The following BCAS3 variants were observed in gnomAD, a reference collection of about 807,000 sequenced individuals.
The protein encoded by BCAS3 is BCAS3 microtubule associated cell migration factor, also known as BCAS4/BCAS3 fusion.
Under a neutral mutation model 116.1 loss-of-function variants are expected in BCAS3, and 53 were observed. The observed-to-expected ratio is 0.46, with a 90% CI of 0.37 to 0.57. BCAS3 has a LOEUF of 0.57. Among genes scored for constraint, BCAS3 ranks in the 20% least tolerant of loss-of-function variants. The probability of loss-of-function intolerance (pLI) is 0.00; values close to 1 mark genes in which losing one functional copy is unlikely to be tolerated. For synonymous variants in BCAS3, 391 were observed against 408.2 expected (o/e 0.96, Z 0.51); for missense variants, 917 against 1,165.4 (o/e 0.79, Z 3.10).
rs1443786550 is a variant in BCAS3 at position 61,239,186 on chromosome 17, G to A, written c.2426-129141G>A. On this transcript the variant is annotated intron_variant, in intron 22 of 23. Coordinates refer to ENST00000407086, the MANE Select transcript of BCAS3 (RefSeq NM_017679.5). The surrounding 1 kb of genome is among the most constrained non-coding windows in gnomAD (Gnocchi z 4.2). ...AAAAGCAAAAAGGAATAAAATAGCA[G>A]GTTACCATAGTATAGATAGTAGGAG... 6.6e-6 allele frequency among the ~76,000 whole-genome samples: 1 copy of A among 152,150 alleles called. No individual in the cohort carries two copies. The highest frequency in any genetic ancestry group is 1.5e-5 in the Non-Finnish European group (1 of 68,022).
chr17:61,064,171 C>T (rs1260327320), intron 19 of BCAS3, among the ~76,000 whole-genome samples: 13 of 152,124 alleles, frequency 8.5e-5, no homozygotes, highest in Admixed American at 8.5e-4. Flanking sequence ...TGGTATACAC[C>T]TGTAGTTCCA....
At chr17:61,093,035 T>C (rs1267424651) in intron 22 of BCAS3, among the ~76,000 whole-genome samples, 2 of 150,530 alleles carry the variant, frequency 1.3e-5, no homozygotes, top group Non-Finnish European at 2.9e-5. Flanking sequence ...GCCTCCCAAG[T>C]AGCTGGGACT....
Position 61,339,984 on chromosome 17 carries a change from T to C in BCAS3, c.2426-28343T>C, listed in dbSNP as rs1178096217. ...TGGGATTCAATAATGTGGAAGTCTC[T>C]GCATTAATTGATTTGTTGAAAAAGA... On this transcript the variant is annotated intron_variant, in intron 22 of 23. Coordinates refer to ENST00000407086, the MANE Select transcript of BCAS3 (RefSeq NM_017679.5). The surrounding 1 kb of genome is among the most constrained non-coding windows in gnomAD (Gnocchi z 4.4). Among the ~76,000 whole-genome samples the C allele has an allele frequency of 6.6e-6, 1 of 152,174 alleles. No individual in the cohort carries two copies. The highest frequency in any genetic ancestry group is 1.5e-5 in the Non-Finnish European group (1 of 68,040).
chr17:60,751,296 G>A (rs2042432283), intron 6 of BCAS3, among the ~76,000 whole-genome samples: 1 of 151,976 alleles, frequency 6.6e-6, no homozygotes, highest in South Asian at 2.1e-4. Flanking sequence ...ATTCCAGAAA[G>A]CTATGACTAA....
intron 19 of BCAS3, among the ~76,000 whole-genome samples, chr17:61,064,367 A>T (rs1030251927): frequency 2.6e-5 from 4 of 152,086 alleles, no homozygotes; most frequent in Non-Finnish European, 5.9e-5. Context: ...AGAGTAACTG[A>T]TCTGGCTGAT....
chr17:61,197,589 G>C (rs2080557101), intron 22 of BCAS3, among the ~76,000 whole-genome samples: 1 of 152,296 alleles, frequency 6.6e-6, no homozygotes, highest in South Asian at 2.1e-4. Context: ...GATCATCTCA[G>C]ATACCTCCTC....
rs139813858 is a variant in BCAS3 at position 61,088,165 on chromosome 17, G to A, written c.2425+3601G>A. Among the ~76,000 whole-genome samples, 1,569 of 152,216 alleles carry A rather than the reference G, an allele frequency of 0.01. 14 individuals are homozygous for A. Among genetic ancestry groups the A allele is most frequent in the Non-Finnish European group, 0.014 (936 of 68,008 alleles). ...CCAGTGCACTCTAGCCTGGGTGACC[G>A]AGCAAGGCTCTGTCTCAAAAAGACA... On this transcript the variant is annotated intron_variant, in intron 22 of 23. Transcript: ENST00000407086. The surrounding 1 kb of genome is among the most constrained non-coding windows in gnomAD (Gnocchi z 4.2).
chr17:61,109,283 T>TTGTG (rs113547904), intron 22 of BCAS3, among the ~76,000 whole-genome samples: 7,088 of 145,348 alleles, frequency 0.049, 286 homozygotes, highest in African/African-American at 0.12. Context: ...AGTATTCCAT[T>TTGTG]TGTGTGTGTG....
chr17:61,168,824 T>C (rs559602550), intron 22 of BCAS3, among the ~76,000 whole-genome samples: 3 of 152,342 alleles, frequency 2.0e-5, no homozygotes, highest in African/African-American at 7.2e-5. Flanking sequence ...GGTTTTGGAA[T>C]GACTTATGTT....
At chr17:61,338,574 G>C (rs1273511169) in intron 22 of BCAS3, among the ~76,000 whole-genome samples, 1 of 152,120 alleles carries the variant, frequency 6.6e-6, no homozygotes, top group Non-Finnish European at 1.5e-5. Context: ...AAGTAGGTTA[G>C]GGGTAGCAGA....
intron 7 of BCAS3, chr17:60,810,347 G>A (rs1391637372): frequency 2.2e-6 from 1 of 447,828 alleles, no homozygotes; most frequent in Non-Finnish European, 4.3e-6. Flanking sequence ...ATGGGGTCCA[G>A]GGGCCTGGTT....
At chr17:61,064,297 C>T (rs7218462) in intron 19 of BCAS3, among the ~76,000 whole-genome samples, 2,888 of 151,712 alleles carry the variant, frequency 0.019, 91 homozygotes, top group African/African-American at 0.065. Context: ...GTCAGCATAG[C>T]GATACCTATC....
At chr17:61,172,918 G>A (rs1197666434) in intron 22 of BCAS3, among the ~76,000 whole-genome samples, 3 of 151,680 alleles carry the variant, frequency 2.0e-5, no homozygotes, top group Admixed American at 1.3e-4. Context: ...AACCCGGGAG[G>A]CGGAGCTTGC....
At chr17:61,320,479 AG>A (rs1233051014) in intron 22 of BCAS3, among the ~76,000 whole-genome samples, 3 of 152,036 alleles carry the variant, frequency 2.0e-5, no homozygotes, top group Non-Finnish European at 4.4e-5. Context: ...CAGGAGATCG[AG>A]ACCATCCTAG....
At chr17:61,123,628 G>T (rs2075904642) in intron 22 of BCAS3, among the ~76,000 whole-genome samples, 1 of 150,320 alleles carries the variant, frequency 6.7e-6, no homozygotes, top group Non-Finnish European at 1.5e-5. Flanking sequence ...AATTTTTATT[G>T]GGGGGGAGTG....
intron 6 of BCAS3, among the ~76,000 whole-genome samples, chr17:60,801,974 GTTC>G (rs1333949897): frequency 6.6e-6 from 1 of 151,650 alleles, no homozygotes; most frequent in African/African-American, 2.4e-5. Flanking sequence ...TTGTGTTTTT[GTTC>G]TTCTCTCTGG....
intron 5 of BCAS3, among the ~76,000 whole-genome samples, chr17:60,726,197 A>T (rs961824551): frequency 5.6e-4 from 79 of 140,060 alleles, no homozygotes; most frequent in Admixed American, 1.5e-4. Flanking sequence ...TCCCGGCCAG[A>T]GGGAGGATTT....
At chr17:60,770,639 G>A (rs113015374) in intron 6 of BCAS3, among the ~76,000 whole-genome samples, 6,678 of 150,546 alleles carry the variant, frequency 0.044, 476 homozygotes, top group African/African-American at 0.15. Context: ...GGATGGTCTC[G>A]ATCTCCTGAC....
chr17:61,156,477 T>C lies in BCAS3; in HGVS notation c.2425+71913T>C, dbSNP rs1239539725. On this transcript the variant is annotated intron_variant, in intron 22 of 23. Coordinates refer to ENST00000407086, the MANE Select transcript of BCAS3 (RefSeq NM_017679.5). The surrounding 1 kb of genome is among the most constrained non-coding windows in gnomAD (Gnocchi z 4.7). ...GCTTTGTGGAGGATCCTGTTTTCCT[T>C]GAGTGTCCTTACCTGAAATGGTCTC... Among the ~76,000 whole-genome samples, 2 of 152,208 alleles carry C rather than the reference T, an allele frequency of 1.3e-5. No individual in the cohort carries two copies. The highest frequency in any genetic ancestry group is 6.5e-5 in the Admixed American group (1 of 15,286).
Sources: gnomAD v4.1 joint callset for allele counts (sites outside exome capture counted in the v4.1 genomes callset) on GRCh38, gnomAD v4.1.1 for gene constraint, Gnocchi (gnomAD v3.1) non-coding constraint, MANE v1.5 for transcripts, NCBI Gene and HGNC (gene_info 2026-07-23, HGNC 2026-07-21) for gene names.